The following NFIB variants were observed in gnomAD, a reference collection of about 807,000 sequenced individuals.
The protein encoded by NFIB is nuclear factor 1 B-type.
In NFIB, 11 loss-of-function variants were observed where a neutral mutation model predicts 61.5. The observed-to-expected ratio is 0.18, with a 90% CI of 0.11 to 0.30. The LOEUF is 0.30. Among genes scored for constraint, NFIB ranks in the 10% least tolerant of loss-of-function variants. NFIB has a pLI of 1.00. For missense variants in NFIB, 471 were observed against 608.9 expected, an observed-to-expected ratio of 0.77 and a Z score of 2.38; for synonymous variants, 260 against 216.5, an observed-to-expected ratio of 1.20 and a Z score of -1.76.
intron 1 of NFIB, among the ~76,000 whole-genome samples, chr9:14,391,381 G>T (rs1168612427): frequency 6.7e-6 from 1 of 149,168 alleles, no homozygotes; most frequent in African/African-American, 2.5e-5. Context: ...TGACCATTAG[G>T]TGATGATCAG....
intron 5 of NFIB, 47 bp downstream of exon 5, chr9:14,150,098 C>T (rs2042697098): frequency 3.7e-6 from 6 of 1,611,322 alleles, no homozygotes; most frequent in Non-Finnish European, 5.1e-6. Context: ...CACCTACGAA[C>T]CTATGTGTGT....
the NFIB span, among the ~76,000 whole-genome samples, chr9:14,432,297 G>A: frequency 6.6e-6 from 1 of 152,198 alleles, no homozygotes; most frequent in Non-Finnish European, 1.5e-5. Context: ...AGAGAATAAA[G>A]GCAACATTCA....
chr9:14,185,670 TATAAAAGTGCACA>T lies in NFIB; in HGVS notation c.563-5903_563-5891del, dbSNP rs564717363. ...AACAGAAAACCATCAGTCTATAAAC[TATAAAAGTGCACA>T]AGAAAGAAAGACAAAGCATACCGCT... On this transcript the variant is annotated intron_variant, in intron 2 of 10. Transcript: ENST00000380953. 1.9e-4 allele frequency among the ~76,000 whole-genome samples: 29 copies of T among 152,230 alleles called. 1 individual carries two copies. In the South Asian group the frequency reaches 5.6e-3, roughly 29 times the overall value.
chr9:14,165,156 G>A (rs2044640240), intron 3 of NFIB, among the ~76,000 whole-genome samples: 2 of 152,150 alleles, frequency 1.3e-5, no homozygotes, highest in Non-Finnish European at 2.9e-5. Context: ...CCAGGTCCAG[G>A]CGAGTGCACA....
upstream of NFIB, among the ~76,000 whole-genome samples, chr9:14,399,699 G>C (rs909271323): frequency 6.6e-6 from 1 of 152,092 alleles, no homozygotes; most frequent in Non-Finnish European, 1.5e-5. Flanking sequence ...GTCAGCATTA[G>C]GCATCTGGTT....
chr9:14,378,124 TG>T (rs1434746983), intron 1 of NFIB, among the ~76,000 whole-genome samples: 1 of 152,232 alleles, frequency 6.6e-6, no homozygotes, highest in Non-Finnish European at 1.5e-5. Context: ...TGGCATGATC[TG>T]ATTAAGTTAA....
At chr9:14,333,599 C>A (rs1193744200) in intron 1 of NFIB, among the ~76,000 whole-genome samples, 6 of 152,160 alleles carry the variant, frequency 3.9e-5, no homozygotes, top group Non-Finnish European at 5.9e-5. Context: ...ACTTCAGCAG[C>A]CTTGGCCTAA....
At chr9:14,384,224 C>A (rs1435439653) in intron 1 of NFIB, among the ~76,000 whole-genome samples, 1 of 152,176 alleles carries the variant, frequency 6.6e-6, no homozygotes, top group African/African-American at 2.4e-5. Context: ...GCTCCCCACC[C>A]CTGTTACAAG....
rs748188637 is a variant in NFIB, at chr9:14,084,361, TAAGAAG to T, written c.*3942_*3947del. On this transcript the variant is annotated 3_prime_UTR_variant, in exon 11 of 11. Coordinates refer to ENST00000380953, the MANE Select transcript of NFIB (RefSeq NM_001190737.2). ...ACTGTCTACAAGGTAGGCGGTTCAT[TAAGAAG>T]ACCTTTCGCTCTTCTCGCTACTTGC... 1 of 220,760 alleles carries T rather than the reference TAAGAAG, an allele frequency of 4.5e-6. No homozygotes were observed. 13.7% of individuals were successfully genotyped at this position (220,760 alleles called of 1,614,324 possible).
At chr9:14,334,959 CTTCT>C (rs1287949047) in intron 1 of NFIB, among the ~76,000 whole-genome samples, 4 of 152,160 alleles carry the variant, frequency 2.6e-5, no homozygotes, top group African/African-American at 4.8e-5. Flanking sequence ...TTTCATCTGG[CTTCT>C]TTCTTTCAGC....
chr9:14,486,947 C>G, the NFIB span, among the ~76,000 whole-genome samples: 1 of 152,098 alleles, frequency 6.6e-6, no homozygotes, highest in African/African-American at 2.4e-5. Flanking sequence ...GCAGATATCC[C>G]AATCTGGATT....
the NFIB span, among the ~76,000 whole-genome samples, chr9:14,504,428 A>G: frequency 6.6e-6 from 1 of 152,036 alleles, no homozygotes; most frequent in African/African-American, 2.4e-5. Context: ...CAGTACGGTC[A>G]TTTTCACAAT....
chr9:14,326,218 CT>C (rs2060750162), intron 1 of NFIB, among the ~76,000 whole-genome samples: 1 of 152,176 alleles, frequency 6.6e-6, no homozygotes, highest in Admixed American at 6.5e-5. Flanking sequence ...TTATAGCACT[CT>C]TCAGCTGTAA....
In NFIB at chr9:14,371,134, C is replaced by CAA. The variant is rs569460885; in HGVS notation, c.108+27388_108+27389dup. ...AAAACAAAACAAACAAACAAACAAA[C>CAA]AAACAAAAACACACACACACCAACT... On this transcript the variant is annotated intron_variant, in intron 1 of 8. Coordinates refer to the NFIB transcript ENST00000380934. Among the ~76,000 whole-genome samples the CAA allele has an allele frequency of 2.7e-3, 407 of 151,796 alleles. 2 individuals carry two copies. The highest frequency in any genetic ancestry group is 8.9e-3 in the African/African-American group (367 of 41,428).
intron 2 of NFIB, among the ~76,000 whole-genome samples, chr9:14,273,837 A>C (rs1165814889): frequency 1.3e-5 from 2 of 152,164 alleles, no homozygotes; most frequent in Non-Finnish European, 2.9e-5. Context: ...CTGAGCTGCA[A>C]AGGAAAAGTC....
chr9:14,499,341 T>G, the NFIB span, among the ~76,000 whole-genome samples: 2 of 152,026 alleles, frequency 1.3e-5, no homozygotes, highest in South Asian at 2.1e-4. Flanking sequence ...AAAAAGAGCT[T>G]CTTCAGTGGA....
At chr9:14,235,553 T>C (rs567287641) in intron 2 of NFIB, among the ~76,000 whole-genome samples, 1 of 152,354 alleles carries the variant, frequency 6.6e-6, no homozygotes, top group African/African-American at 2.4e-5. Flanking sequence ...CTTATTTGGT[T>C]ATATGTCACT....
At chr9:14,308,526 T>C (rs2060134396) in intron 1 of NFIB, among the ~76,000 whole-genome samples, 1 of 152,214 alleles carries the variant, frequency 6.6e-6, no homozygotes, top group African/African-American at 2.4e-5. Flanking sequence ...CTCTTAAAAA[T>C]CAATCTGAGG....
intron 2 of NFIB, chr9:14,306,164 A>G (rs748052772): frequency 1.8e-4 from 59 of 330,504 alleles, no homozygotes; most frequent in Non-Finnish European, 3.2e-5. Flanking sequence ...TAGGTATGGT[A>G]TGCAGTTTCT....
Sources: gnomAD v4.1 joint callset for allele counts (sites outside exome capture counted in the v4.1 genomes callset) on GRCh38, gnomAD v4.1.1 for gene constraint, MANE v1.5 for transcripts, NCBI Gene and HGNC (gene_info 2026-07-23, HGNC 2026-07-21) for gene names.